Variants in AUTS2 observed in about 807,000 individuals in gnomAD.
AUTS2 encodes activator of transcription and developmental regulator AUTS2.
Under a neutral mutation model 112.4 loss-of-function variants are expected in AUTS2, and 17 were observed. That is an observed-to-expected ratio of 0.15 (90% CI 0.10 to 0.23). AUTS2 has a LOEUF of 0.23. Ranked by LOEUF, AUTS2 falls within the 10% of genes least tolerant of loss-of-function variation. AUTS2 has a pLI of 1.00. For synonymous variants in AUTS2, 751 were observed against 702.7 expected, an observed-to-expected ratio of 1.07 and a Z score of -1.09; for missense variants, 1,510 against 1,701.6, an observed-to-expected ratio of 0.89 and a Z score of 1.98.
chr7:69,892,137 A>G (rs1165225116), intron 1 of AUTS2, among the ~76,000 whole-genome samples: 4 of 149,338 alleles, frequency 2.7e-5, no homozygotes, highest in Admixed American at 6.7e-5. Flanking sequence ...GCTTATTTAA[A>G]AAATTGGGTT....
intron 4 of AUTS2, among the ~76,000 whole-genome samples, chr7:70,253,580 G>A (rs1786711696): frequency 6.6e-6 from 1 of 152,142 alleles, no homozygotes; most frequent in East Asian, 1.9e-4. Flanking sequence ...TTGACACCTG[G>A]GAGAAGGTGG....
In AUTS2 at chr7:70,118,303, G is replaced by A. The variant is rs1399583079; in HGVS notation, c.624+70G>A. On this transcript the variant is annotated intron_variant, in intron 3 of 18. Coordinates refer to ENST00000342771, the MANE Select transcript of AUTS2 (RefSeq NM_015570.4). ...CCACTAGGCCACACACACACCATTG[G>A]TTCAAGTCTGAATTACATAACTTTC... The A allele has an allele frequency of 5.6e-6, 8 of 1,418,090 alleles. No homozygotes were observed. In the East Asian group the frequency reaches 1.9e-4, roughly 33 times the overall value. The allele number at this position is 1,418,090 out of a possible 1,614,324, so 87.8% of individuals were successfully genotyped here.
At chr7:69,933,048 G>A (rs902032829) in intron 2 of AUTS2, among the ~76,000 whole-genome samples, 1 of 152,192 alleles carries the variant, frequency 6.6e-6, no homozygotes, top group Admixed American at 6.5e-5. Flanking sequence ...TGATCTGCAC[G>A]TTGGTTACAC....
intron 5 of AUTS2, among the ~76,000 whole-genome samples, chr7:70,487,826 A>AAAATC (rs1369106370): frequency 1.2e-4 from 19 of 152,220 alleles, no homozygotes; most frequent in Admixed American, 2.0e-4. Context: ...AATGGCAGTA[A>AAAATC]AAATCCAAGG....
intron 5 of AUTS2, among the ~76,000 whole-genome samples, chr7:70,617,423 G>A (rs1804430683): frequency 6.6e-6 from 1 of 152,196 alleles, no homozygotes; most frequent in Non-Finnish European, 1.5e-5. Context: ...AGCACTTTGG[G>A]AGGCCGAGGT....
intron 4 of AUTS2, among the ~76,000 whole-genome samples, chr7:70,248,383 C>A (rs1813039963): frequency 6.6e-6 from 1 of 152,140 alleles, no homozygotes; most frequent in Non-Finnish European, 1.5e-5. Context: ...CTCGACCTCC[C>A]AAAGTGCTGA....
intron 4 of AUTS2, among the ~76,000 whole-genome samples, chr7:70,289,199 G>T (rs1253576045): frequency 1.3e-5 from 2 of 152,192 alleles, no homozygotes; most frequent in African/African-American, 4.8e-5. Context: ...ATTTGAATAG[G>T]TTAACATGTG....
chr7:70,775,225 TA>T, intron 12 of AUTS2, 131 bp from the exon 13 acceptor site: 4 of 796,892 alleles, frequency 5.0e-6, no homozygotes, highest in Non-Finnish European at 8.3e-6. Flanking sequence ...AATTATTCTC[TA>T]AAAGGGCTTC....
chr7:70,437,654 C>G (rs1365237344), intron 5 of AUTS2: 1 of 152,136 alleles, frequency 6.6e-6, no homozygotes, highest in Non-Finnish European at 1.5e-5. Context: ...TCCTGGCTAA[C>G]ACTGTGAAAC....
At chr7:70,778,184 A>G (rs1440292494) in intron 14 of AUTS2, among the ~76,000 whole-genome samples, 1 of 152,226 alleles carries the variant, frequency 6.6e-6, no homozygotes, top group Non-Finnish European at 1.5e-5. Context: ...CCCTGGATAC[A>G]GCATCAGCGC....
intron 5 of AUTS2, among the ~76,000 whole-genome samples, chr7:70,497,158 A>G (rs946554554): frequency 4.8e-5 from 7 of 146,982 alleles, no homozygotes; most frequent in African/African-American, 1.8e-4. Flanking sequence ...CACCCCACTC[A>G]CACACACCAC....
chr7:70,693,319 G>C (rs1808855197), intron 5 of AUTS2, among the ~76,000 whole-genome samples: 1 of 152,134 alleles, frequency 6.6e-6, no homozygotes, highest in Non-Finnish European at 1.5e-5. Flanking sequence ...GATGATAGAC[G>C]TAACTGCTGC....
intron 1 of AUTS2, among the ~76,000 whole-genome samples, chr7:69,864,635 C>A (rs1052871702): frequency 6.6e-6 from 1 of 152,284 alleles, no homozygotes; most frequent in South Asian, 2.1e-4. Flanking sequence ...CATTTATTTG[C>A]AAACCATTTA....
At chr7:70,126,357 C>T (rs998066118) in intron 3 of AUTS2, among the ~76,000 whole-genome samples, 5 of 151,896 alleles carry the variant, frequency 3.3e-5, no homozygotes, top group African/African-American at 9.7e-5. Context: ...TGCAGTGAGC[C>T]GAGATTGTGC....
intron 5 of AUTS2, among the ~76,000 whole-genome samples, chr7:70,517,026 A>G (rs1193133593): frequency 1.3e-5 from 2 of 152,218 alleles, no homozygotes; most frequent in East Asian, 1.9e-4. Flanking sequence ...GAGAAACCCA[A>G]GGTCCAGACC....
chr7:70,414,546 G>C (rs577205663), intron 4 of AUTS2, among the ~76,000 whole-genome samples: 2 of 152,256 alleles, frequency 1.3e-5, no homozygotes, highest in South Asian at 4.2e-4. Context: ...GCATTCATCT[G>C]ACAGGCCTCC....
chr7:70,223,089 A>G (rs1365031707), intron 4 of AUTS2, among the ~76,000 whole-genome samples: 12 of 151,876 alleles, frequency 7.9e-5, no homozygotes, highest in South Asian at 2.1e-4. Context: ...GGGTTTCACC[A>G]TGTTGGCCAG....
intron 1 of AUTS2, among the ~76,000 whole-genome samples, chr7:69,788,398 G>A (rs1327293154): frequency 6.6e-6 from 1 of 152,140 alleles, no homozygotes; most frequent in Non-Finnish European, 1.5e-5. Context: ...CAGGCTTGGG[G>A]GAAACTAAAA....
At chr7:70,168,642 T>C (rs2129578371) in intron 4 of AUTS2, among the ~76,000 whole-genome samples, 1 of 152,264 alleles carries the variant, frequency 6.6e-6, no homozygotes, top group African/African-American at 2.4e-5. Flanking sequence ...GAAGCAGAAT[T>C]TGTCTAGATG....
Sources: gnomAD v4.1 joint callset for allele counts (sites outside exome capture counted in the v4.1 genomes callset) on GRCh38, gnomAD v4.1.1 for gene constraint, MANE v1.5 for transcripts, NCBI Gene and HGNC (gene_info 2026-07-23, HGNC 2026-07-21) for gene names.